Variants in FGGY observed in about 807,000 individuals in gnomAD.
FGGY encodes the protein FGGY carbohydrate kinase domain containing, also known as FGGY carbohydrate kinase domain-containing protein.
A neutral mutation model predicts 71.3 loss-of-function variants in FGGY; 72 were observed. The observed-to-expected ratio is 1.01, with a 90% CI of 0.84 to 1.23. The LOEUF (loss-of-function observed/expected upper bound fraction) is 1.23. FGGY is among the 50% of genes most tolerant of loss of function. FGGY has a pLI of 0.00. For synonymous variants in FGGY, 251 were observed against 250.3 expected (o/e 1.00, Z -0.02); for missense variants, 668 against 682.3 (o/e 0.98, Z 0.23).
At chr1:59,699,410 G>A (rs2097691668) in intron 14 of FGGY, 1 of 985,320 alleles carries the variant, frequency 1.0e-6, no homozygotes, top group South Asian at 4.7e-5. Context: ...TCAGGCTTCT[G>A]TTAGTTTTGC....
rs184068189 is a variant in FGGY at position 59,615,235 on chromosome 1, C to T, written c.1011+7325C>T. On this transcript the variant is annotated intron_variant, in intron 9 of 15. Transcript: ENST00000303721. Reference sequence around the variant, plus strand: ...GAACAAAGCTGGAGACATCACGCTACCTGACTTCAAACTATACTACAAGGC... The same window carrying T: ...GAACAAAGCTGGAGACATCACGCTATCTGACTTCAAACTATACTACAAGGC... Among the ~76,000 whole-genome samples the T allele has an allele frequency of 2.3e-3, 344 of 152,286 alleles. 2 individuals carry two copies. The highest frequency in any genetic ancestry group is 8.0e-3 in the African/African-American group (332 of 41,546).
At chr1:59,719,370 A>G (rs1484209176) in intron 14 of FGGY, among the ~76,000 whole-genome samples, 1 of 152,158 alleles carries the variant, frequency 6.6e-6, no homozygotes, top group Non-Finnish European at 1.5e-5. Flanking sequence ...CTTGCTAGCC[A>G]TGTCATCCTA....
Position 59,457,008 on chromosome 1 carries a change from G to C in FGGY, c.602G>C (p.Gly201Ala). ...VCKWTYSAEKGWDDSFWKMIG... is the reference protein window; with the variant it reads ...VCKWTYSAEKAWDDSFWKMIG... ...AAGTGGACATATTCAGCAGAGAAAG[G>C]CTGGGACGACAGTTTCTGGAAAATG... The change falls in exon 6 of 16, where the codon GGC (glycine) becomes GCC (alanine). Residue 201 changes from glycine (G) to alanine (A), a missense_variant. Around this residue, in one of 2 missense-constraint regions of FGGY, gnomAD observed 661 missense variants for 661.6 expected, o/e 1.00. Transcript: ENST00000303721. The C allele has an allele frequency of 1.2e-6, 2 of 1,614,116 alleles. No individual in the cohort carries two copies. Among genetic ancestry groups the C allele is most frequent in the Middle Eastern group, 1.6e-4 (1 of 6,062 alleles).
At chr1:59,680,350 T>C (rs752879265) in intron 14 of FGGY, among the ~76,000 whole-genome samples, 26 of 152,008 alleles carry the variant, frequency 1.7e-4, no homozygotes, top group Non-Finnish European at 2.8e-4. Context: ...AACTTTGGAA[T>C]GGTATAATAA....
At chr1:59,311,301 T>C (rs1406380500) in intron 1 of FGGY, among the ~76,000 whole-genome samples, 1 of 151,942 alleles carries the variant, frequency 6.6e-6, no homozygotes, top group Non-Finnish European at 1.5e-5. Context: ...CCAGGATACA[T>C]GTGTAGAACC....
chr1:59,680,211 TG>T (rs1204851112), intron 14 of FGGY, among the ~76,000 whole-genome samples: 2 of 152,124 alleles, frequency 1.3e-5, no homozygotes, highest in East Asian at 3.8e-4. Flanking sequence ...AGTAGCCTTT[TG>T]CCCTTTGCTG....
intron 14 of FGGY, among the ~76,000 whole-genome samples, chr1:59,753,889 T>G (rs1252832143): frequency 2.6e-5 from 4 of 152,188 alleles, no homozygotes; most frequent in Admixed American, 6.5e-5. Flanking sequence ...CTTTTTTAGA[T>G]AAATATAAAG....
intron 7 of FGGY, among the ~76,000 whole-genome samples, chr1:59,546,535 G>T (rs12145168): frequency 0.5 from 64,486 of 128,564 alleles, 15,723 homozygotes; most frequent in South Asian, 0.67. Context: ...TGATGATGAT[G>T]ATTATTATTA....
intron 14 of FGGY, chr1:59,699,216 A>G (rs1558837296): frequency 1.0e-6 from 1 of 984,938 alleles, no homozygotes; most frequent in Non-Finnish European, 1.2e-6. Context: ...CAGTTCTGAG[A>G]TTTTTTTTCT....
chr1:59,346,479 C>T, intron 4 of FGGY, 81 bp downstream of exon 4: 1 of 1,480,316 alleles, frequency 6.8e-7, no homozygotes, highest in African/African-American at 1.4e-5. Context: ...ACCAGGCACC[C>T]TGCTAAAATC....
chr1:59,589,925 A>T lies in FGGY; in HGVS notation c.904-17878A>T, dbSNP rs567580716. The stretch of plus-strand genomic sequence containing the variant: ...ATTCAAAAGCTAGCAGAAGGCAAGA[A>T]ATAACTAAAATCACAGCAGAACTGA... On this transcript the variant is annotated intron_variant, in intron 8 of 15. Coordinates refer to ENST00000303721, the MANE Select transcript of FGGY (RefSeq NM_018291.5). Among the ~76,000 whole-genome samples, 5 of 152,288 alleles carry T rather than the reference A, an allele frequency of 3.3e-5. No individual in the cohort carries two copies. The East Asian group carries it at 9.6e-4, about 29-fold the overall frequency.
intron 11 of FGGY, among the ~76,000 whole-genome samples, chr1:59,640,373 C>T (rs1253364675): frequency 1.3e-5 from 2 of 152,158 alleles, no homozygotes; most frequent in Admixed American, 6.5e-5. Flanking sequence ...TATCCTTTTG[C>T]TGGAAACTAC....
At chr1:59,513,907 T>C (rs1386404768) in intron 7 of FGGY, among the ~76,000 whole-genome samples, 4 of 152,246 alleles carry the variant, frequency 2.6e-5, no homozygotes, top group Non-Finnish European at 5.9e-5. Flanking sequence ...TCTATGGACA[T>C]GTCTGTCCTG....
At position 59,481,716 on chromosome 1, in the gene FGGY, A is replaced by C. The variant is rs115348813; in HGVS notation, c.670+24640A>C. ...CAGTTTAACTGAGACATACCGTTGT[A>C]CAATGTCATTATTTTAGGTATTGTA... On this transcript the variant is annotated intron_variant, in intron 6 of 15. Coordinates refer to ENST00000303721, the MANE Select transcript of FGGY (RefSeq NM_018291.5). 4.8e-3 allele frequency among the ~76,000 whole-genome samples: 729 copies of C among 152,164 alleles called. 4 individuals are homozygous for C. Among genetic ancestry groups the C allele is most frequent in the African/African-American group, 0.017 (701 of 41,530 alleles).
chr1:59,444,614 G>T (rs2070780784), intron 5 of FGGY, among the ~76,000 whole-genome samples: 2 of 152,136 alleles, frequency 1.3e-5, no homozygotes, highest in African/African-American at 4.8e-5. Context: ...GAGGTGGGCG[G>T]TGGGCTAGTG....
At chr1:59,593,251 G>A (rs766558449) in intron 8 of FGGY, among the ~76,000 whole-genome samples, 1 of 152,292 alleles carries the variant, frequency 6.6e-6, no homozygotes, top group Middle Eastern at 3.4e-3. Flanking sequence ...TCCTTGAGAG[G>A]GTCCTCAGTG....
intron 11 of FGGY, chr1:59,641,404 G>T (rs942518476): frequency 1.4e-6 from 2 of 1,432,882 alleles, no homozygotes; most frequent in African/African-American, 3.2e-5. Context: ...TGTTTTTATT[G>T]AATACCTGCT....
chr1:59,508,898 T>C (rs2094456171), intron 6 of FGGY, among the ~76,000 whole-genome samples: 1 of 152,072 alleles, frequency 6.6e-6, no homozygotes, highest in Non-Finnish European at 1.5e-5. Flanking sequence ...TGGTTGGCTG[T>C]GAAAGAAGGA....
intron 14 of FGGY, among the ~76,000 whole-genome samples, chr1:59,695,803 G>T (rs1347965486): frequency 1.3e-5 from 2 of 152,096 alleles, no homozygotes; most frequent in Non-Finnish European, 2.9e-5. Flanking sequence ...TAAGCAGAAT[G>T]TCATGAGTTC....
Sources: gnomAD v4.1 joint callset for allele counts (sites outside exome capture counted in the v4.1 genomes callset) on GRCh38, gnomAD v4.1.1 for gene constraint, gnomAD v4.1.1 regional missense constraint, MANE v1.5 for transcripts, NCBI Gene and HGNC (gene_info 2026-07-23, HGNC 2026-07-21) for gene names.